SAMD4A: variants seen among roughly 807,000 people sequenced by gnomAD.
SAMD4A encodes the protein sterile alpha motif domain containing 4A.
Under a neutral mutation model 81.3 loss-of-function variants are expected in SAMD4A, and 33 were observed. The ratio of observed to expected loss-of-function variants is 0.41; its 90% CI spans 0.31 to 0.54. SAMD4A has a LOEUF of 0.54. SAMD4A is among the 20% of genes least tolerant of loss of function. The pLI, the probability that SAMD4A is intolerant of heterozygous loss-of-function variation, is 0.37. For synonymous variants in SAMD4A, 389 were observed against 382.1 expected, an observed-to-expected ratio of 1.02 and a Z score of -0.21; for missense variants, 854 against 951.1, an observed-to-expected ratio of 0.90 and a Z score of 1.34.
intron 2 of SAMD4A, among the ~76,000 whole-genome samples, chr14:54,580,051 A>G (rs1050099565): frequency 4.6e-5 from 7 of 152,228 alleles, no homozygotes; most frequent in African/African-American, 1.7e-4. Context: ...ACATGCAATT[A>G]AGGAAGTAGA....
intron 2 of SAMD4A, among the ~76,000 whole-genome samples, chr14:54,587,732 G>A (rs1013992537): frequency 3.3e-5 from 5 of 152,172 alleles, no homozygotes; most frequent in African/African-American, 1.2e-4. Context: ...TCCCTGATAT[G>A]AAACCCGCTT....
intron 3 of SAMD4A, among the ~76,000 whole-genome samples, chr14:54,704,065 T>C (rs2036789900): frequency 6.6e-6 from 1 of 152,178 alleles, no homozygotes; most frequent in Non-Finnish European, 1.5e-5. Context: ...TGCTACAACA[T>C]GGGATTTTTT....
At chr14:54,644,372 A>G (rs748793272) in intron 2 of SAMD4A, among the ~76,000 whole-genome samples, 4 of 152,230 alleles carry the variant, frequency 2.6e-5, no homozygotes, top group Non-Finnish European at 5.9e-5. Flanking sequence ...ATTAATTTAA[A>G]TGTTGACGGG....
intron 2 of SAMD4A, among the ~76,000 whole-genome samples, chr14:54,699,964 G>A (rs1489193940): frequency 6.6e-6 from 1 of 152,196 alleles, no homozygotes; most frequent in African/African-American, 2.4e-5. Flanking sequence ...AATCCCACTT[G>A]AAGTGAGTCA....
chr14:54,760,464 C>A lies in SAMD4A; in HGVS notation c.1480C>A (p.Pro494Thr). ...AVAPLPEGDLPGQFTRVMGKV... is the reference protein window; with the variant it reads ...AVAPLPEGDLTGQFTRVMGKV... ...CGCCCCCCTGCCAGAGGGGGACCTCCCCGGGCAGTTCACACGCGTCATGGG... is the reference window on the plus strand; with the variant it reads ...CGCCCCCCTGCCAGAGGGGGACCTCACCGGGCAGTTCACACGCGTCATGGG... Residue 494 changes from proline to threonine, a missense_variant, in exon 7 of 13, where the codon CCC becomes ACC. Transcript: ENST00000554335. 8.4e-6 allele frequency: 12 copies of A among 1,420,524 alleles called. No individual in the cohort carries two copies. The highest frequency in any genetic ancestry group is 1.1e-5 in the Non-Finnish European group (12 of 1,096,706). 88.0% of individuals were successfully genotyped at this position (1,420,524 alleles called of 1,614,324 possible). A position where few individuals can be genotyped will look rare whatever the true frequency, so the allele number is the denominator to read the frequency against.
intron 2 of SAMD4A, chr14:54,682,024 T>G: frequency 1.0e-6 from 1 of 985,108 alleles, no homozygotes; most frequent in Non-Finnish European, 1.2e-6. Flanking sequence ...CCTTACAGAG[T>G]GTTAAGGATG....
chr14:54,659,088 A>G (rs1191560265), intron 2 of SAMD4A, among the ~76,000 whole-genome samples: 1 of 152,236 alleles, frequency 6.6e-6, no homozygotes, highest in Non-Finnish European at 1.5e-5. Context: ...AAAACCTGGA[A>G]TCCAGTACTA....
At chr14:54,657,471 A>G (rs768690399) in intron 2 of SAMD4A, among the ~76,000 whole-genome samples, 1 of 152,202 alleles carries the variant, frequency 6.6e-6, no homozygotes, top group Admixed American at 6.5e-5. Context: ...TCATCGCCAG[A>G]TGAGAAGTCA....
chr14:54,739,070 T>TTTTTTTTTC (rs2140935183), intron 4 of SAMD4A, among the ~76,000 whole-genome samples: 1 of 148,608 alleles, frequency 6.7e-6, no homozygotes, highest in East Asian at 2.0e-4. Flanking sequence ...TTTTTTTTTT[T>TTTTTTTTTC]TTTTGAGGCC....
chr14:54,652,047 G>A (rs1263533933), intron 2 of SAMD4A, among the ~76,000 whole-genome samples: 1 of 152,216 alleles, frequency 6.6e-6, no homozygotes, highest in Admixed American at 6.5e-5. Flanking sequence ...ACCACAAGTT[G>A]TAGAAAGCAC....
At chr14:54,653,301 A>ATATTATTAT (rs71448404) in intron 2 of SAMD4A, among the ~76,000 whole-genome samples, 118 of 130,388 alleles carry the variant, frequency 9.0e-4, no homozygotes, top group African/African-American at 2.3e-3. Context: ...CTTCCTCTTA[A>ATATTATTAT]TATTATTATT....
In SAMD4A at chr14:54,664,031, G is replaced by A. The variant is rs538680426; in HGVS notation, c.197-38031G>A. 2.0e-5 allele frequency among the ~76,000 whole-genome samples: 3 copies of A among 152,258 alleles called. No homozygotes were observed. In the East Asian group the frequency reaches 5.8e-4, roughly 29 times the overall value. ...GAGCTGTCTCGAAAATTATATTGTT[G>A]CCTTGAAAAGACTTGTTAATGATGA... On this transcript the variant is annotated intron_variant, in intron 2 of 12. Transcript: ENST00000554335.
At chr14:54,615,248 C>A (rs574090517) in intron 2 of SAMD4A, among the ~76,000 whole-genome samples, 11 of 152,318 alleles carry the variant, frequency 7.2e-5, no homozygotes, top group African/African-American at 2.6e-4. Context: ...CACAGCAAAC[C>A]TCTTAAAGTA....
At chr14:54,571,325 C>T (rs1342524380) in intron 2 of SAMD4A, among the ~76,000 whole-genome samples, 3 of 152,208 alleles carry the variant, frequency 2.0e-5, no homozygotes, top group African/African-American at 7.2e-5. Context: ...CTAGTACAGT[C>T]TTGTTCCCAG....
chr14:54,680,378 G>A (rs1323178568), intron 2 of SAMD4A, among the ~76,000 whole-genome samples: 1 of 152,216 alleles, frequency 6.6e-6, no homozygotes, highest in African/African-American at 2.4e-5. Flanking sequence ...CCAATGTGGT[G>A]TAATTTTCAG....
chr14:54,673,585 A>T (rs1594794655), intron 2 of SAMD4A, among the ~76,000 whole-genome samples: 1 of 152,316 alleles, frequency 6.6e-6, no homozygotes, highest in African/African-American at 2.4e-5. Flanking sequence ...CTGGAAGTCC[A>T]CTGAATTCTC....
intron 2 of SAMD4A, among the ~76,000 whole-genome samples, chr14:54,568,481 T>C (rs887523839): frequency 2.6e-5 from 4 of 151,488 alleles, no homozygotes; most frequent in African/African-American, 7.3e-5. Context: ...TCCTCCTTCT[T>C]TTGGGCAACG....
chr14:54,650,639 T>A (rs1231596420), intron 2 of SAMD4A, among the ~76,000 whole-genome samples: 1 of 152,230 alleles, frequency 6.6e-6, no homozygotes, highest in Non-Finnish European at 1.5e-5. Flanking sequence ...AGCCAAAATA[T>A]GCCAAAGTCA....
intron 2 of SAMD4A, among the ~76,000 whole-genome samples, chr14:54,638,975 C>G (rs1349756425): frequency 6.6e-6 from 1 of 151,942 alleles, no homozygotes; most frequent in Non-Finnish European, 1.5e-5. Flanking sequence ...GAAATCTGAC[C>G]AAGTTTAGGT....
Sources: allele counts gnomAD v4.1 joint callset (sites outside exome capture counted in the v4.1 genomes callset), GRCh38; gene constraint gnomAD v4.1.1; transcripts MANE v1.5; gene names NCBI Gene and HGNC (gene_info 2026-07-23, HGNC 2026-07-21).